The following PCCA variants were observed in gnomAD, a reference collection of about 807,000 sequenced individuals.
The protein encoded by PCCA is propionyl-CoA carboxylase alpha chain, mitochondrial.
PCCA carries 74 observed loss-of-function variants against 101.3 expected under a neutral mutation model. The ratio of observed to expected loss-of-function variants is 0.73; its 90% CI spans 0.61 to 0.89. PCCA has a LOEUF of 0.89. Among genes scored for constraint, PCCA ranks in the 40% least tolerant of loss-of-function variants. The pLI, the probability that PCCA is intolerant of heterozygous loss-of-function variation, is 0.00. For missense variants in PCCA, 891 were observed against 907.0 expected (o/e 0.98, Z 0.23); for synonymous variants, 294 against 313.6 (o/e 0.94, Z 0.66).
intron 4 of PCCA, among the ~76,000 whole-genome samples, chr13:100,144,135 T>C (rs1324140397): frequency 1.3e-5 from 2 of 152,178 alleles, no homozygotes; most frequent in Admixed American, 1.3e-4. Context: ...GGAAAACTTC[T>C]TGAGCTCCGT....
intron 22 of PCCA, among the ~76,000 whole-genome samples, chr13:100,516,774 T>C (rs1288548141): frequency 1.4e-5 from 2 of 144,938 alleles, no homozygotes; most frequent in East Asian, 4.2e-4. Flanking sequence ...GTGTGTAAAA[T>C]TCAGGGGAGG....
chr13:100,156,266 C>T (rs972753727), intron 5 of PCCA, among the ~76,000 whole-genome samples: 2 of 152,208 alleles, frequency 1.3e-5, no homozygotes, highest in East Asian at 3.9e-4. Flanking sequence ...AGGGGTTTCA[C>T]CATGTTGGTC....
chr13:100,473,014 T>C (rs2083138006), intron 21 of PCCA, among the ~76,000 whole-genome samples: 1 of 152,094 alleles, frequency 6.6e-6, no homozygotes, highest in Non-Finnish European at 1.5e-5. Flanking sequence ...AGGGGAGGAA[T>C]GTTTCTTCCA....
At chr13:100,515,629 A>G in intron 22 of PCCA, 62 bp downstream of exon 22, 11 of 1,582,658 alleles carry the variant, frequency 7.0e-6, no homozygotes, top group Non-Finnish European at 9.5e-6. Context: ...TTCCAAAGCG[A>G]CGGCTAACGG....
intron 20 of PCCA, among the ~76,000 whole-genome samples, chr13:100,433,103 G>A (rs1200508782): frequency 6.6e-6 from 1 of 152,170 alleles, no homozygotes; most frequent in Admixed American, 6.5e-5. Flanking sequence ...CATGAGCATG[G>A]GTGTACAAAT....
At chr13:100,491,874 G>A in intron 21 of PCCA, 2 of 645,918 alleles carry the variant, frequency 3.1e-6, no homozygotes, top group Non-Finnish European at 2.1e-6. Flanking sequence ...AGTTAAATGA[G>A]AATCAAGTGG....
intron 2 of PCCA, among the ~76,000 whole-genome samples, chr13:100,107,464 G>A (rs1276231845): frequency 1.3e-5 from 2 of 152,060 alleles, no homozygotes; most frequent in East Asian, 3.9e-4. Flanking sequence ...CGAGACACGG[G>A]ATTCCTTGAG....
intron 16 of PCCA, among the ~76,000 whole-genome samples, chr13:100,330,204 T>G (rs750665080): frequency 5.9e-5 from 9 of 152,206 alleles, no homozygotes; most frequent in African/African-American, 2.2e-4. Flanking sequence ...AACAAACTTA[T>G]TTCTCATTGA....
chr13:100,515,638 G>T, intron 22 of PCCA, 71 bp downstream of exon 22: 1 of 1,563,828 alleles, frequency 6.4e-7, no homozygotes, highest in Non-Finnish European at 8.7e-7. Flanking sequence ...GACGGCTAAC[G>T]GCACAGCACG....
intron 7 of PCCA, among the ~76,000 whole-genome samples, chr13:100,224,747 G>A (rs1470630789): frequency 2.6e-5 from 4 of 152,220 alleles, no homozygotes; most frequent in Non-Finnish European, 5.9e-5. Context: ...TGATAGCTAA[G>A]TGAAACCTCA....
intron 21 of PCCA, among the ~76,000 whole-genome samples, chr13:100,504,874 A>G (rs2085944455): frequency 6.6e-6 from 1 of 152,178 alleles, no homozygotes; most frequent in Non-Finnish European, 1.5e-5. Flanking sequence ...CGGAGGCTGC[A>G]GTGAGCCAAG....
chr13:100,305,656 C>T (rs1189184314), intron 14 of PCCA: 41 of 244,776 alleles, frequency 1.7e-4, no homozygotes, highest in Non-Finnish European at 8.5e-6. Flanking sequence ...TTATGTAACC[C>T]GTTTACTAGT....
intron 19 of PCCA, among the ~76,000 whole-genome samples, chr13:100,380,481 T>C (rs2076164274): frequency 6.6e-6 from 1 of 152,204 alleles, no homozygotes; most frequent in Non-Finnish European, 1.5e-5. Flanking sequence ...TGCAAAATGA[T>C]TGTCATATAA....
chr13:100,346,179 G>C (rs187401212), intron 18 of PCCA, among the ~76,000 whole-genome samples: 1 of 152,134 alleles, frequency 6.6e-6, no homozygotes, highest in Non-Finnish European at 1.5e-5. Context: ...TTCACAAGGC[G>C]ATAGCTGCCA....
chr13:100,124,801 ATG>A (rs1289850328), intron 4 of PCCA, among the ~76,000 whole-genome samples: 1 of 152,194 alleles, frequency 6.6e-6, no homozygotes, highest in Non-Finnish European at 1.5e-5. Context: ...TTATATTTAC[ATG>A]TCTCTGTATA....
intron 7 of PCCA, among the ~76,000 whole-genome samples, chr13:100,232,353 T>C (rs1229565050): frequency 7.3e-6 from 1 of 136,424 alleles, no homozygotes; most frequent in South Asian, 2.4e-4. Context: ...TGTGTATGCG[T>C]GTGTGTGTGT....
chr13:100,377,391 C>T (rs2075982547), intron 19 of PCCA, among the ~76,000 whole-genome samples: 1 of 152,180 alleles, frequency 6.6e-6, no homozygotes, highest in African/African-American at 2.4e-5. Flanking sequence ...CATCCCTTTA[C>T]TTTCAGACTA....
intron 19 of PCCA, among the ~76,000 whole-genome samples, chr13:100,408,873 A>AT (rs935595387): frequency 2.0e-5 from 3 of 152,252 alleles, no homozygotes; most frequent in Non-Finnish European, 2.9e-5. Flanking sequence ...TAGGAAAAAA[A>AT]CAACAACAAA....
intron 20 of PCCA, among the ~76,000 whole-genome samples, chr13:100,432,618 G>A (rs2079635643): frequency 6.6e-6 from 1 of 152,160 alleles, no homozygotes; most frequent in Non-Finnish European, 1.5e-5. Context: ...TTTTTGCAGA[G>A]TACAGTAACG....
Sources: gnomAD v4.1 joint callset for allele counts (sites outside exome capture counted in the v4.1 genomes callset) on GRCh38, gnomAD v4.1.1 for gene constraint, MANE v1.5 for transcripts, NCBI Gene and HGNC (gene_info 2026-07-23, HGNC 2026-07-21) for gene names.